The following PCDHA1 variants were observed in gnomAD, a reference collection of about 807,000 sequenced individuals.
The protein encoded by PCDHA1 is protocadherin alpha-1.
Under a neutral mutation model 61.3 loss-of-function variants are expected in PCDHA1, and 42 were observed. The ratio of observed to expected loss-of-function variants is 0.69; its 90% CI spans 0.54 to 0.89. The LOEUF is 0.89. Ranked by LOEUF, PCDHA1 falls within the 40% of genes least tolerant of loss-of-function variation. PCDHA1 has a pLI of 0.00. For synonymous variants in PCDHA1, 610 were observed against 553.8 expected, an observed-to-expected ratio of 1.10 and a Z score of -1.43; for missense variants, 1,256 against 1,235.3, an observed-to-expected ratio of 1.02 and a Z score of -0.25.
chr5:140,953,553 C>T (rs1364050066), intron 1 of PCDHA1, among the ~76,000 whole-genome samples: 1 of 152,060 alleles, frequency 6.6e-6, no homozygotes, highest in East Asian at 1.9e-4. Flanking sequence ...TTCTTTTCTC[C>T]AAGTTTTAGT....
At chr5:140,801,876 C>T in intron 1 of PCDHA1, 1 of 1,614,108 alleles carries the variant, frequency 6.2e-7, no homozygotes, top group East Asian at 2.2e-5. Context: ...TGGCACGACT[C>T]AACTAAAGAT....
chr5:140,818,198 T>A (rs2150100405), intron 1 of PCDHA1, among the ~76,000 whole-genome samples: 1 of 152,226 alleles, frequency 6.6e-6, no homozygotes, highest in East Asian at 1.9e-4. Flanking sequence ...TATAAGTACA[T>A]GTATGTTAAA....
rs782718867 is a variant in PCDHA1 at position 140,795,898 on chromosome 5, G to A, written c.2394+7214G>A. On this transcript the variant is annotated intron_variant, in intron 1 of 3. Coordinates refer to ENST00000504120, the MANE Select transcript of PCDHA1 (RefSeq NM_018900.4). ...AACTAAGGGAAAATTAGATTATGAA[G>A]AAGCAAAGTCCTACGAGATTCAGGT... 6.2e-7 allele frequency: 1 copy of A among 1,613,984 alleles called. No individual in the cohort carries two copies.
At chr5:140,975,174 T>C (rs1470598627) in intron 1 of PCDHA1, among the ~76,000 whole-genome samples, 1 of 152,208 alleles carries the variant, frequency 6.6e-6, no homozygotes, top group Non-Finnish European at 1.5e-5. Context: ...GACTCAGGAC[T>C]CTTGTCCCAT....
intron 1 of PCDHA1, chr5:140,829,594 G>T (rs141465004): frequency 2.2e-5 from 35 of 1,611,982 alleles, no homozygotes; most frequent in Non-Finnish European, 3.0e-5. Context: ...GGGTGGGCGA[G>T]CGCGCGTTGT....
intron 1 of PCDHA1, among the ~76,000 whole-genome samples, chr5:140,903,933 A>G (rs1348730153): frequency 1.3e-5 from 2 of 152,220 alleles, no homozygotes; most frequent in East Asian, 1.9e-4. Context: ...ATTGGATAAT[A>G]CCTCTTAAAT....
chr5:140,848,597 C>G lies in PCDHA1; in HGVS notation c.2394+59913C>G, dbSNP rs151001396. 6,374 of 1,580,604 alleles carry G rather than the reference C, an allele frequency of 4.0e-3. 857 individuals carry two copies. Among genetic ancestry groups the G allele is most frequent in the South Asian group, 0.012 (1,061 of 88,252 alleles). On this transcript the variant is annotated intron_variant, in intron 1 of 3. Transcript: ENST00000504120. ...TGGGGAGCGGCCAGCTCCACTACTC[C>G]GTCCCGGAGGAAGCCGAACACGGCA...
At position 140,845,398 on chromosome 5, in the gene PCDHA1, G is replaced by A. The variant is rs1272388366; in HGVS notation, c.2394+56714G>A. Among the ~76,000 whole-genome samples the A allele has an allele frequency of 2.0e-5, 3 of 149,302 alleles. 1 individual carries two copies. The highest frequency in any genetic ancestry group is 4.5e-5 in the Non-Finnish European group (3 of 66,780). ...ATAGGAGGATTCTTTCCACCACCTA[G>A]CATTGTATTTGGCAATTTATCATTT... On this transcript the variant is annotated intron_variant, in intron 1 of 3. Coordinates refer to ENST00000504120, the MANE Select transcript of PCDHA1 (RefSeq NM_018900.4).
chr5:140,856,981 C>T lies in PCDHA1; in HGVS notation c.2394+68297C>T, dbSNP rs1554149362. 1.2e-5 allele frequency: 19 copies of T among 1,594,810 alleles called. 1 individual carries two copies. Among genetic ancestry groups the T allele is most frequent in the Non-Finnish European group, 1.5e-5 (18 of 1,164,604 alleles). Reference sequence around the variant, plus strand: ...TAAATGATGCTATTGACTTTGAGGACAGTAACACTTATGAAATTCATGTAG... The same window carrying T: ...TAAATGATGCTATTGACTTTGAGGATAGTAACACTTATGAAATTCATGTAG... On this transcript the variant is annotated intron_variant, in intron 1 of 3. Transcript: ENST00000504120.
intron 1 of PCDHA1, chr5:140,821,951 T>C: frequency 1.2e-6 from 2 of 1,614,172 alleles, no homozygotes; most frequent in East Asian, 4.5e-5. Context: ...GCGGAGCTGG[T>C]GCCGCGCCTG....
chr5:140,943,620 A>G (rs1285848217), intron 1 of PCDHA1, among the ~76,000 whole-genome samples: 1 of 152,200 alleles, frequency 6.6e-6, no homozygotes, highest in Non-Finnish European at 1.5e-5. Context: ...ATTCATCTGC[A>G]TAAGGAAGCT....
chr5:140,788,553 C>G lies in PCDHA1; in HGVS notation c.2263C>G (p.Arg755Gly), dbSNP rs782576028. ...LGSWSNSQQR[R>G]QRVCSSEGPP... Reference sequence around the variant, plus strand: ...GAGCTGGTCGAACTCACAGCAGAGGCGGCAGAGGGTGTGCTCTAGCGAGGG... The same window carrying G: ...GAGCTGGTCGAACTCACAGCAGAGGGGGCAGAGGGTGTGCTCTAGCGAGGG... Residue 755 changes from arginine (R) to glycine (G), a missense_variant, in exon 1 of 4, where the codon CGG (arginine) becomes GGG (glycine). Transcript: ENST00000504120. 1.2e-6 allele frequency: 2 copies of G among 1,613,976 alleles called. No homozygotes were observed. The highest frequency in any genetic ancestry group is 1.3e-5 in the African/African-American group (1 of 74,946).
intron 1 of PCDHA1, among the ~76,000 whole-genome samples, chr5:140,965,010 C>T (rs1160052537): frequency 5.9e-5 from 9 of 152,154 alleles, no homozygotes; most frequent in Admixed American, 3.9e-4. Flanking sequence ...GTGTCAGGAT[C>T]ACAACCTTGG....
At chr5:140,863,858 G>A (rs2048210654) in intron 1 of PCDHA1, 1 of 177,150 alleles carries the variant, frequency 5.6e-6, no homozygotes, top group Non-Finnish European at 1.2e-5. Flanking sequence ...AAAATTAGCT[G>A]GGTGTGGTGG....
intron 1 of PCDHA1, chr5:140,967,256 G>T: frequency 6.2e-7 from 1 of 1,613,524 alleles, no homozygotes; most frequent in Non-Finnish European, 8.5e-7. Flanking sequence ...GGTGGCGCCT[G>T]GAGCGCGCTT....
chr5:140,877,371 G>C, intron 1 of PCDHA1: 2 of 1,613,994 alleles, frequency 1.2e-6, no homozygotes, highest in Non-Finnish European at 8.5e-7. Context: ...AGATCAGCAC[G>C]ACACGCATCC....
At chr5:140,896,882 T>C (rs1345268084) in intron 1 of PCDHA1, among the ~76,000 whole-genome samples, 1 of 152,198 alleles carries the variant, frequency 6.6e-6, no homozygotes. Flanking sequence ...TTATGGGGTA[T>C]ATGAGACATT....
intron 1 of PCDHA1, among the ~76,000 whole-genome samples, chr5:140,941,995 T>C (rs1243854944): frequency 6.6e-6 from 1 of 152,234 alleles, no homozygotes; most frequent in Non-Finnish European, 1.5e-5. Context: ...AAGGGATTCA[T>C]ATCTCTTATT....
At chr5:140,876,706 G>C in intron 1 of PCDHA1, 1 of 1,614,214 alleles carries the variant, frequency 6.2e-7, no homozygotes, top group South Asian at 1.1e-5. Context: ...GCTGGACAGC[G>C]CCCTGGACCG....
Sources: allele counts gnomAD v4.1 joint callset (sites outside exome capture counted in the v4.1 genomes callset), GRCh38; gene constraint gnomAD v4.1.1; transcripts MANE v1.5; gene names NCBI Gene and HGNC (gene_info 2026-07-23, HGNC 2026-07-21).